The following SYT9 variants were observed in gnomAD, a reference collection of about 807,000 sequenced individuals.
The protein encoded by SYT9 is synaptotagmin-9.
In SYT9, 22 loss-of-function variants were observed where a neutral mutation model predicts 48.4. That is an observed-to-expected ratio of 0.45 (90% CI 0.32 to 0.65). The LOEUF is 0.65. Among genes scored for constraint, SYT9 ranks in the 30% least tolerant of loss-of-function variants. The pLI, the probability that SYT9 is intolerant of heterozygous loss-of-function variation, is 0.03. For synonymous variants in SYT9, 265 were observed against 245.0 expected (o/e 1.08, Z -0.76); for missense variants, 577 against 622.0 (o/e 0.93, Z 0.77).
At chr11:7,367,202 C>G (rs955271922) in intron 3 of SYT9, among the ~76,000 whole-genome samples, 18 of 149,492 alleles carry the variant, frequency 1.2e-4, no homozygotes, top group Non-Finnish European at 2.4e-4. Context: ...CTGCCTCAGC[C>G]TCCCGAGTAG....
rs1464864187 is a variant in SYT9 at position 7,412,555 on chromosome 11, G to T, written c.1045-3487G>T. ...AACTAGGTTATTAGGTAGGCCAGTG[G>T]TACAGCAGTGGTCTGAAGATGCCTG... On this transcript the variant is annotated intron_variant, in intron 3 of 6. Transcript: ENST00000318881. Among the ~76,000 whole-genome samples the T allele has an allele frequency of 2.0e-5, 3 of 152,178 alleles. No homozygotes were observed. In the East Asian group the frequency reaches 5.8e-4, roughly 29 times the overall value.
intron 3 of SYT9, among the ~76,000 whole-genome samples, chr11:7,365,243 A>G (rs1437513425): frequency 6.6e-6 from 1 of 152,158 alleles, no homozygotes; most frequent in Non-Finnish European, 1.5e-5. Flanking sequence ...AATGGGAACA[A>G]ATGATTCGTT....
intron 5 of SYT9, among the ~76,000 whole-genome samples, chr11:7,419,670 G>C (rs1304157736): frequency 2.0e-5 from 3 of 152,130 alleles, no homozygotes; most frequent in Admixed American, 6.5e-5. Flanking sequence ...GCTGAGGCAG[G>C]TGGATCACTT....
chr11:7,443,716 G>A (rs1847875291), intron 6 of SYT9, among the ~76,000 whole-genome samples: 1 of 152,186 alleles, frequency 6.6e-6, no homozygotes, highest in African/African-American at 2.4e-5. Context: ...TCAAGTGAAG[G>A]ATAATTCAAG....
chr11:7,323,739 A>G (rs1849378179), intron 3 of SYT9, among the ~76,000 whole-genome samples: 1 of 151,968 alleles, frequency 6.6e-6, no homozygotes, highest in African/African-American at 2.4e-5. Flanking sequence ...TATTTCTGAG[A>G]TAAATCCAAC....
intron 3 of SYT9, among the ~76,000 whole-genome samples, chr11:7,390,876 G>T (rs911651303): frequency 6.6e-6 from 1 of 152,150 alleles, no homozygotes; most frequent in African/African-American, 2.4e-5. Context: ...TTTGTTACGA[G>T]GGTGTGTTGT....
chr11:7,283,854 T>G (rs888447425), intron 1 of SYT9, among the ~76,000 whole-genome samples: 7 of 152,310 alleles, frequency 4.6e-5, no homozygotes, highest in African/African-American at 1.7e-4. Flanking sequence ...TTGTTATTGC[T>G]ATTACAATAT....
rs533904207 is a variant in SYT9 at position 7,290,127 on chromosome 11, A to G, written c.146-12912A>G. Among the ~76,000 whole-genome samples, 4 of 152,348 alleles carry G rather than the reference A, an allele frequency of 2.6e-5. No individual in the cohort carries two copies. In the East Asian group the frequency reaches 7.7e-4, roughly 29 times the overall value. Reference sequence around the variant, plus strand: ...ACAAAGTCTGTGCTTTTAACCACAGACAAGGGTTCAAGACAGACAAATGAG... The same window carrying G: ...ACAAAGTCTGTGCTTTTAACCACAGGCAAGGGTTCAAGACAGACAAATGAG... On this transcript the variant is annotated intron_variant, in intron 1 of 6. Coordinates refer to ENST00000318881, the MANE Select transcript of SYT9 (RefSeq NM_175733.4).
chr11:7,363,379 G>A (rs1244558336), intron 3 of SYT9, among the ~76,000 whole-genome samples: 1 of 152,074 alleles, frequency 6.6e-6, no homozygotes, highest in Non-Finnish European at 1.5e-5. Flanking sequence ...CTAGGTAAAT[G>A]GCAATACTAG....
chr11:7,413,252 C>G (rs914859952), intron 3 of SYT9, among the ~76,000 whole-genome samples: 28 of 152,148 alleles, frequency 1.8e-4, no homozygotes, highest in Non-Finnish European at 3.2e-4. Flanking sequence ...CCTTAGGGTA[C>G]ACAAAAGTAT....
intron 3 of SYT9, among the ~76,000 whole-genome samples, chr11:7,393,583 G>A (rs1290560570): frequency 6.6e-6 from 1 of 151,924 alleles, no homozygotes; most frequent in Non-Finnish European, 1.5e-5. Context: ...TTTTGTCTTT[G>A]CCAGATTTTG....
chr11:7,423,628 T>C (rs1382817627), intron 6 of SYT9, among the ~76,000 whole-genome samples: 1 of 152,220 alleles, frequency 6.6e-6, no homozygotes, highest in Admixed American at 6.5e-5. Flanking sequence ...ATAGTTGTTA[T>C]TATGTATGCC....
intron 3 of SYT9, among the ~76,000 whole-genome samples, chr11:7,352,866 A>G (rs911085337): frequency 7.9e-5 from 12 of 152,196 alleles, no homozygotes; most frequent in Admixed American, 5.2e-4. Flanking sequence ...TGATCTTAAA[A>G]GTGGGGTGTG....
intron 1 of SYT9, among the ~76,000 whole-genome samples, chr11:7,243,484 C>A (rs1000901985): frequency 2.0e-5 from 3 of 152,200 alleles, no homozygotes; most frequent in Non-Finnish European, 4.4e-5. Flanking sequence ...TCTGCCTCCT[C>A]CTCCCCTTCT....
intron 1 of SYT9, among the ~76,000 whole-genome samples, chr11:7,270,401 T>C (rs964696770): frequency 6.6e-6 from 1 of 152,226 alleles, no homozygotes; most frequent in African/African-American, 2.4e-5. Flanking sequence ...GAGAATCGTT[T>C]GCTTTCAGAT....
At position 7,252,330 on chromosome 11, in the gene SYT9, A is replaced by T; in HGVS notation, c.144A>T (p.Pro48=). The T allele has an allele frequency of 6.8e-7, 1 of 1,473,586 alleles. No homozygotes were observed. The highest frequency in any genetic ancestry group is 9.0e-7 in the Non-Finnish European group (1 of 1,112,124). 91.3% of individuals were successfully genotyped at this position (1,473,586 alleles called of 1,614,324 possible). A position where few individuals can be genotyped will look rare whatever the true frequency, so the allele number is the denominator to read the frequency against. ...RDRARPRLRD[P]DISVSLLTLV... ...GTGCCAGACCCCGGCTCCGCGACCC[A>T]GGTGAGTGCCGCCACCGCCGCCTGG... Residue 48 remains proline, a splice_region_variant and synonymous_variant, in exon 1 of 7, where the codon CCA becomes CCT. Coordinates refer to ENST00000318881, the MANE Select transcript of SYT9 (RefSeq NM_175733.4). This position sits in a 1 kb window ranked among gnomAD's most constrained non-coding sequence, Gnocchi z 6.3.
At chr11:7,267,919 A>G (rs1360564699) in intron 1 of SYT9, among the ~76,000 whole-genome samples, 1 of 152,076 alleles carries the variant, frequency 6.6e-6, no homozygotes, top group East Asian at 1.9e-4. Flanking sequence ...TAACAGATAC[A>G]GAAGACAATA....
At chr11:7,421,389 C>A (rs1184845234) in intron 6 of SYT9, among the ~76,000 whole-genome samples, 1 of 152,230 alleles carries the variant, frequency 6.6e-6, no homozygotes, top group African/African-American at 2.4e-5. Context: ...TCTTTGAATT[C>A]TCATGCAAGA....
chr11:7,256,085 G>A (rs1156832891), intron 1 of SYT9, among the ~76,000 whole-genome samples: 1 of 152,136 alleles, frequency 6.6e-6, no homozygotes, highest in Non-Finnish European at 1.5e-5. Flanking sequence ...GCTATTAGGA[G>A]GTAAACTAGC....
Sources: gnomAD v4.1 joint callset for allele counts (sites outside exome capture counted in the v4.1 genomes callset) on GRCh38, gnomAD v4.1.1 for gene constraint, Gnocchi (gnomAD v3.1) non-coding constraint, MANE v1.5 for transcripts, NCBI Gene and HGNC (gene_info 2026-07-23, HGNC 2026-07-21) for gene names.